ANKDD1B: variants seen among roughly 807,000 people sequenced by gnomAD.
The protein encoded by ANKDD1B is ankyrin repeat and death domain containing 1B.
In ANKDD1B, 57 loss-of-function variants were observed where a neutral mutation model predicts 59.7. The observed-to-expected ratio is 0.95, with a 90% CI of 0.77 to 1.19. The LOEUF (loss-of-function observed/expected upper bound fraction) is 1.19. Among genes scored for constraint, ANKDD1B ranks in the 50% most tolerant of loss-of-function variants. The pLI is 0.00. For missense variants in ANKDD1B, 602 were observed against 641.9 expected (o/e 0.94, Z 0.67); for synonymous variants, 216 against 239.5 (o/e 0.90, Z 0.91).
intron 3 of ANKDD1B, among the ~76,000 whole-genome samples, chr5:75,623,869 G>T (rs577419995): frequency 6.6e-6 from 1 of 152,248 alleles, no homozygotes; most frequent in Admixed American, 6.5e-5. Context: ...TTAGAGTTAT[G>T]CCTCAATAAT....
rs746704382 is a variant in ANKDD1B, at chr5:75,671,759, T to C, written c.*719T>C. On this transcript the variant is annotated 3_prime_UTR_variant, in exon 14 of 14. Coordinates refer to ENST00000601380, the MANE Select transcript of ANKDD1B (RefSeq NM_001276713.2). The stretch of plus-strand genomic sequence containing the variant: ...ACAGATGATTATTTTCTTTGTACTT[T>C]TGGGTACATTCCATTCTTTTTTTCA... 7 of 130,282 alleles carry C rather than the reference T, an allele frequency of 5.4e-5. No individual in the cohort carries two copies. The highest frequency in any genetic ancestry group is 1.0e-4 in the Non-Finnish European group (6 of 58,496). 8.1% of individuals were successfully genotyped at this position (130,282 alleles called of 1,614,324 possible).
chr5:75,631,805 C>T (rs1046072573), intron 5 of ANKDD1B, among the ~76,000 whole-genome samples: 1 of 152,064 alleles, frequency 6.6e-6, no homozygotes, highest in African/African-American at 2.4e-5. Context: ...TTAGTTGAAC[C>T]TTAAAAGACT....
chr5:75,637,966 A>G (rs1045814436), intron 7 of ANKDD1B, among the ~76,000 whole-genome samples: 3 of 152,208 alleles, frequency 2.0e-5, no homozygotes, highest in Admixed American at 6.5e-5. Context: ...GTGCTCAAAC[A>G]ACGACAATTA....
intron 5 of ANKDD1B, among the ~76,000 whole-genome samples, chr5:75,633,487 G>A (rs16872670): frequency 0.091 from 13,859 of 151,982 alleles, 945 homozygotes; most frequent in South Asian, 0.2. Context: ...GTTAACAGTG[G>A]CCGTGATCTT....
chr5:75,668,236 A>G (rs912335369), intron 12 of ANKDD1B, among the ~76,000 whole-genome samples: 44 of 152,198 alleles, frequency 2.9e-4, no homozygotes, highest in Admixed American at 1.3e-4. Context: ...AGGGATAGAT[A>G]CATCAGCTCT....
chr5:75,632,772 G>A (rs1774200959), intron 5 of ANKDD1B, among the ~76,000 whole-genome samples: 2 of 152,136 alleles, frequency 1.3e-5, no homozygotes, highest in Non-Finnish European at 2.9e-5. Context: ...TATATAAGCA[G>A]CACTCGGTTA....
chr5:75,621,237 C>A (rs1773839563), intron 3 of ANKDD1B, among the ~76,000 whole-genome samples: 1 of 152,120 alleles, frequency 6.6e-6, no homozygotes, highest in African/African-American at 2.4e-5. Flanking sequence ...TATAGGAGCT[C>A]CCTTCTCCTC....
chr5:75,666,817 C>T lies in ANKDD1B; in HGVS notation c.1217C>T (p.Pro406Leu), dbSNP rs1160192898. Residue 406 changes from proline (P) to leucine (L), a missense_variant, in exon 12 of 14, where the codon CCG (proline) becomes CTG (leucine). By Grantham distance (98) the Pro-to-Leu change is moderately conservative. This residue lies in a region of ANKDD1B where 280 missense variants were observed against 319.8 expected (regional missense o/e 0.88). Transcript: ENST00000601380. The stretch of plus-strand genomic sequence containing the variant: ...GAGCATCATGAGAGCATCAGGGACC[C>T]GTCAACAGGCTTTACTCTGACATTC... ...REEHHESIRD[P>L]STGFTLTFKQ... 19 of 1,535,666 alleles carry T rather than the reference C, an allele frequency of 1.2e-5. No individual in the cohort carries two copies. Among genetic ancestry groups the T allele is most frequent in the Non-Finnish European group, 1.6e-5 (18 of 1,146,728 alleles).
chr5:75,624,191 C>T (rs1184844738), intron 3 of ANKDD1B, among the ~76,000 whole-genome samples: 7 of 152,172 alleles, frequency 4.6e-5, no homozygotes, highest in Non-Finnish European at 1.0e-4. Flanking sequence ...AAAACAGACA[C>T]TTGAGTTTGC....
chr5:75,639,253 A>G (rs907001376), intron 7 of ANKDD1B, among the ~76,000 whole-genome samples: 6 of 152,198 alleles, frequency 3.9e-5, no homozygotes, highest in Admixed American at 2.0e-4. Context: ...CGGGAGTACA[A>G]TGGTGTGATC....
At chr5:75,622,605 T>C (rs1773881295) in intron 3 of ANKDD1B, among the ~76,000 whole-genome samples, 2 of 152,186 alleles carry the variant, frequency 1.3e-5, no homozygotes, top group Non-Finnish European at 2.9e-5. Context: ...AAACATCTGC[T>C]GACAAAGCTT....
intron 7 of ANKDD1B, among the ~76,000 whole-genome samples, chr5:75,639,951 G>T (rs928399600): frequency 6.6e-6 from 1 of 151,978 alleles, no homozygotes; most frequent in Non-Finnish European, 1.5e-5. Flanking sequence ...CATTTAATCA[G>T]TTGTAAAGAT....
intron 12 of ANKDD1B, among the ~76,000 whole-genome samples, chr5:75,667,643 G>GT (rs933977096): frequency 3.9e-5 from 6 of 152,150 alleles, no homozygotes; most frequent in Non-Finnish European, 7.4e-5. Flanking sequence ...CCTTAATTTT[G>GT]TTTTTTGTGG....
chr5:75,636,322 G>A (rs1581139971), intron 7 of ANKDD1B, among the ~76,000 whole-genome samples: 1 of 152,176 alleles, frequency 6.6e-6, no homozygotes, highest in East Asian at 1.9e-4. Context: ...TGGCAGGAGG[G>A]ATTTTGAGGA....
chr5:75,615,763 C>T (rs1773701774), intron 1 of ANKDD1B, among the ~76,000 whole-genome samples: 1 of 151,580 alleles, frequency 6.6e-6, no homozygotes, highest in Non-Finnish European at 1.5e-5. Context: ...ATTTATATGA[C>T]CTCATTTTAC....
At position 75,660,410 on chromosome 5, in the gene ANKDD1B, T is replaced by A. The variant is rs181172611; in HGVS notation, c.1095+1029T>A. 1.1e-3 allele frequency among the ~76,000 whole-genome samples: 173 copies of A among 152,394 alleles called. 1 individual carries two copies. Among genetic ancestry groups the A allele is most frequent in the Non-Finnish European group, 2.0e-3 (133 of 68,040 alleles). On this transcript the variant is annotated intron_variant, in intron 10 of 13. Transcript: ENST00000601380. ...ACGTCTTCAAGGTTTATCTATGTTG[T>A]AGCATGTGTCAGAATTTCATTTCTT...
At chr5:75,639,090 C>T (rs912730967) in intron 7 of ANKDD1B, among the ~76,000 whole-genome samples, 1 of 152,304 alleles carries the variant, frequency 6.6e-6, no homozygotes, top group East Asian at 1.9e-4. Context: ...GTTTCCTTTA[C>T]ACTTTATTTT....
chr5:75,619,929 C>T (rs1773802868), intron 2 of ANKDD1B, among the ~76,000 whole-genome samples: 1 of 152,148 alleles, frequency 6.6e-6, no homozygotes, highest in Admixed American at 6.5e-5. Context: ...AAAATTTCCG[C>T]TATGCATTAT....
chr5:75,612,328 GCCCTCCGCC>G (rs1773588658), intron 1 of ANKDD1B, among the ~76,000 whole-genome samples: 1 of 38,468 alleles, frequency 2.6e-5, no homozygotes, highest in Non-Finnish European at 5.8e-5. Context: ...GCCCCCCCCC[GCCCTCCGCC>G]CCGCCCCCGC....
Sources: gnomAD v4.1 joint callset for allele counts (sites outside exome capture counted in the v4.1 genomes callset) on GRCh38, gnomAD v4.1.1 for gene constraint, gnomAD v4.1.1 regional missense constraint, MANE v1.5 for transcripts, NCBI Gene and HGNC (gene_info 2026-07-23, HGNC 2026-07-21) for gene names.